EYA1: variants seen among roughly 807,000 people sequenced by gnomAD.
EYA1 encodes EYA transcriptional coactivator and phosphatase 1.
Under a neutral mutation model 82.0 loss-of-function variants are expected in EYA1, and 16 were observed. The ratio of observed to expected loss-of-function variants is 0.20; its 90% CI spans 0.13 to 0.30. The LOEUF is 0.30. Among genes scored for constraint, EYA1 ranks in the 10% least tolerant of loss-of-function variants. EYA1 has a pLI of 1.00. For missense variants in EYA1, 633 were observed against 730.7 expected (o/e 0.87, Z 1.54); for synonymous variants, 261 against 264.4 (o/e 0.99, Z 0.12).
At chr8:71,295,555 A>G (rs1819503703) in intron 9 of EYA1, among the ~76,000 whole-genome samples, 1 of 152,210 alleles carries the variant, frequency 6.6e-6, no homozygotes, top group Non-Finnish European at 1.5e-5. Context: ...AATCTAAAAC[A>G]CTGACAACAC....
At chr8:71,331,401 A>G (rs1195846696) in intron 4 of EYA1, among the ~76,000 whole-genome samples, 1 of 151,516 alleles carries the variant, frequency 6.6e-6, no homozygotes, top group Non-Finnish European at 1.5e-5. Context: ...ACTATTTTCC[A>G]CAGATATTTT....
intron 9 of EYA1, among the ~76,000 whole-genome samples, chr8:71,297,277 C>G (rs753715851): frequency 6.6e-6 from 1 of 152,118 alleles, no homozygotes; most frequent in South Asian, 2.1e-4. Flanking sequence ...CATCCCCACT[C>G]TCTCACATAG....
At chr8:71,532,314 G>A (rs947575628) in intron 2 of EYA1, among the ~76,000 whole-genome samples, 1 of 152,294 alleles carries the variant, frequency 6.6e-6, no homozygotes, top group East Asian at 1.9e-4. Context: ...TTCCCCCAGA[G>A]AGAGAGACTC....
chr8:71,273,744 C>T (rs556494578), intron 9 of EYA1, among the ~76,000 whole-genome samples: 1 of 152,346 alleles, frequency 6.6e-6, no homozygotes, highest in African/African-American at 2.4e-5. Flanking sequence ...TCAACCTGCA[C>T]TTCAAGTACT....
chr8:71,219,267 C>A (rs552551066), intron 12 of EYA1, among the ~76,000 whole-genome samples: 9 of 152,276 alleles, frequency 5.9e-5, no homozygotes, highest in African/African-American at 4.8e-5. Flanking sequence ...CTTTTACCTG[C>A]AGATAGCAAA....
rs188450130 is a variant in EYA1 at position 71,374,707 on chromosome 8, A to G, written c.34-18196T>C. On this transcript the variant is annotated intron_variant, in intron 2 of 18. Transcript: ENST00000643681. ...ACCTTGTAGAGATATCTGCACTCCCATGTTCATTGCAGCTTTATTCACAAT... is the reference window on the plus strand; with the variant it reads ...ACCTTGTAGAGATATCTGCACTCCCGTGTTCATTGCAGCTTTATTCACAAT... 3.1e-3 allele frequency among the ~76,000 whole-genome samples: 468 copies of G among 152,342 alleles called. 4 individuals carry two copies. The highest frequency in any genetic ancestry group is 0.031 in the Middle Eastern group (9 of 294).
intron 12 of EYA1, among the ~76,000 whole-genome samples, chr8:71,235,910 A>G (rs539704190): frequency 6.6e-6 from 1 of 152,342 alleles, no homozygotes; most frequent in African/African-American, 2.4e-5. Flanking sequence ...ACATTAAATC[A>G]GGATTATATA....
chr8:71,519,903 T>C (rs1288627218), intron 2 of EYA1, among the ~76,000 whole-genome samples: 1 of 152,134 alleles, frequency 6.6e-6, no homozygotes, highest in Non-Finnish European at 1.5e-5. Context: ...CTACTGAACA[T>C]GAAGAAATCC....
Position 71,216,958 on chromosome 8 carries a change from T to A in EYA1, c.1199+7A>T, listed in dbSNP as rs1276274362. On this transcript the variant is annotated splice_region_variant and intron_variant, in intron 13 of 17. Coordinates refer to ENST00000340726, the MANE Select transcript of EYA1 (RefSeq NM_000503.6). ...GAGATGGTCACTTCACATTCAAGGG[T>A]GCTCACCTTAGGTCCTGTCCGTTAT... 6.2e-7 allele frequency: 1 copy of A among 1,613,182 alleles called. No individual in the cohort carries two copies. Among genetic ancestry groups the A allele is most frequent in the East Asian group, 2.2e-5 (1 of 44,886 alleles).
At chr8:71,238,723 T>A (rs1471112817) in intron 12 of EYA1, among the ~76,000 whole-genome samples, 2 of 152,140 alleles carry the variant, frequency 1.3e-5, no homozygotes, top group African/African-American at 4.8e-5. Context: ...TTTTCTTCAG[T>A]CTTCTACATA....
intron 9 of EYA1, among the ~76,000 whole-genome samples, chr8:71,284,147 T>C (rs2034201): frequency 0.24 from 36,094 of 152,144 alleles, 4,696 homozygotes; most frequent in Admixed American, 0.29. Flanking sequence ...GATGGGTACC[T>C]GCCTGGGGAC....
At chr8:71,353,858 T>C (rs1371432708) in intron 3 of EYA1, among the ~76,000 whole-genome samples, 1 of 152,174 alleles carries the variant, frequency 6.6e-6, no homozygotes, top group Admixed American at 6.5e-5. Flanking sequence ...TTTATTGAAC[T>C]TCTAGTGAAA....
At chr8:71,494,433 T>G (rs1263025060) in intron 2 of EYA1, among the ~76,000 whole-genome samples, 1 of 152,200 alleles carries the variant, frequency 6.6e-6, no homozygotes, top group Non-Finnish European at 1.5e-5. Context: ...CTACAAAATT[T>G]AAATGAAGAC....
At chr8:71,338,414 C>T (rs954200052) in intron 3 of EYA1, among the ~76,000 whole-genome samples, 14 of 152,182 alleles carry the variant, frequency 9.2e-5, no homozygotes, top group African/African-American at 3.1e-4. Flanking sequence ...CTTTTTCTGA[C>T]ATTTTTTAGG....
intron 3 of EYA1, among the ~76,000 whole-genome samples, chr8:71,345,516 C>T (rs1361903254): frequency 6.6e-6 from 1 of 152,162 alleles, no homozygotes; most frequent in African/African-American, 2.4e-5. Flanking sequence ...CTGCTCTGTT[C>T]TCAAAATGCA....
At chr8:71,424,808 G>T (rs546092135) in intron 2 of EYA1, among the ~76,000 whole-genome samples, 2 of 152,094 alleles carry the variant, frequency 1.3e-5, no homozygotes, top group Admixed American at 6.5e-5. Context: ...TAGTCTACTG[G>T]GTTACATGTG....
intron 3 of EYA1, among the ~76,000 whole-genome samples, chr8:71,335,569 G>A (rs1824390023): frequency 6.6e-6 from 1 of 152,194 alleles, no homozygotes; most frequent in South Asian, 2.1e-4. Context: ...TGTAACTGAA[G>A]TTTTCACTTT....
intron 2 of EYA1, among the ~76,000 whole-genome samples, chr8:71,464,666 A>AACTTATTAATATAATTTGAG (rs1258220826): frequency 2.0e-5 from 3 of 152,256 alleles, no homozygotes; most frequent in African/African-American, 7.2e-5. Flanking sequence ...ATTGCAATAC[A>AACTTATTAATATAATTTGAG]ACTTATTAAT....
intron 2 of EYA1, among the ~76,000 whole-genome samples, chr8:71,390,885 C>T (rs1030465327): frequency 3.3e-5 from 5 of 152,062 alleles, no homozygotes; most frequent in Non-Finnish European, 5.9e-5. Flanking sequence ...CTCACTCTTT[C>T]CTTTGTCATC....
Sources: gnomAD v4.1 joint callset for allele counts (sites outside exome capture counted in the v4.1 genomes callset) on GRCh38, gnomAD v4.1.1 for gene constraint, MANE v1.5 for transcripts, NCBI Gene and HGNC (gene_info 2026-07-23, HGNC 2026-07-21) for gene names.